Variants in LRRC49 observed in about 807,000 individuals in gnomAD.
LRRC49 encodes leucine rich repeat containing 49.
LRRC49 carries 50 observed loss-of-function variants against 83.3 expected under a neutral mutation model. That is an observed-to-expected ratio of 0.60 (90% CI 0.48 to 0.76). The LOEUF (loss-of-function observed/expected upper bound fraction) is 0.76, where lower values mean the gene tolerates loss of function less well. Among genes scored for constraint, LRRC49 ranks in the 30% least tolerant of loss-of-function variants. LRRC49 has a pLI of 0.00. For missense variants in LRRC49, 704 were observed against 809.1 expected (o/e 0.87, Z 1.58); for synonymous variants, 286 against 283.3 (o/e 1.01, Z -0.10).
At chr15:70,985,743 T>C (rs1230305535) in intron 11 of LRRC49, among the ~76,000 whole-genome samples, 1 of 150,794 alleles carries the variant, frequency 6.6e-6, no homozygotes, top group African/African-American at 2.5e-5. Context: ...GGTTTTCTTC[T>C]AGGGTTTTTA....
chr15:71,024,324 G>C (rs1370654018), intron 14 of LRRC49, among the ~76,000 whole-genome samples: 1 of 152,166 alleles, frequency 6.6e-6, no homozygotes, highest in Non-Finnish European at 1.5e-5. Flanking sequence ...CCTCAACAAG[G>C]GTTGCCAGAC....
At chr15:70,929,230 T>A (rs548207286) in intron 7 of LRRC49, among the ~76,000 whole-genome samples, 13 of 152,352 alleles carry the variant, frequency 8.5e-5, no homozygotes, top group African/African-American at 3.1e-4. Context: ...TTAGAGATAC[T>A]GTGGGTTCAG....
intron 11 of LRRC49, among the ~76,000 whole-genome samples, chr15:71,003,279 T>C (rs955749918): frequency 2.6e-5 from 4 of 152,188 alleles, no homozygotes; most frequent in African/African-American, 4.8e-5. Flanking sequence ...TTGATGAAAC[T>C]TTGGACTTAA....
At chr15:70,937,640 GTTTAA>G in intron 8 of LRRC49, among the ~76,000 whole-genome samples, 1 of 152,176 alleles carries the variant, frequency 6.6e-6, no homozygotes, top group African/African-American at 2.4e-5. Context: ...TTAAAAACTA[GTTTAA>G]TTTTTGTGTG....
At chr15:70,994,356 T>C (rs1393263401) in intron 11 of LRRC49, among the ~76,000 whole-genome samples, 2 of 152,170 alleles carry the variant, frequency 1.3e-5, no homozygotes, top group African/African-American at 4.8e-5. Flanking sequence ...ACCAGACTCT[T>C]TTGATTATAG....
chr15:70,970,863 A>C (rs900332829), intron 9 of LRRC49, among the ~76,000 whole-genome samples: 3 of 151,394 alleles, frequency 2.0e-5, no homozygotes, highest in African/African-American at 7.3e-5. Context: ...TGTATATTTG[A>C]TTCTTCTCTC....
intron 9 of LRRC49, among the ~76,000 whole-genome samples, chr15:70,968,905 G>A (rs1011535026): frequency 6.6e-6 from 1 of 152,094 alleles, no homozygotes; most frequent in African/African-American, 2.4e-5. Flanking sequence ...TGGATAGATT[G>A]CAAAAATTTT....
intron 8 of LRRC49, among the ~76,000 whole-genome samples, chr15:70,955,680 C>T (rs964068934): frequency 1.3e-5 from 2 of 152,148 alleles, no homozygotes; most frequent in Non-Finnish European, 2.9e-5. Context: ...ATTCTATTTA[C>T]CTCTCTTGGT....
At chr15:70,892,558 A>G, upstream of LRRC49, 7 of 1,499,494 alleles carry the variant, frequency 4.7e-6, no homozygotes, top group Non-Finnish European at 6.2e-6. Context: ...GGTGGGCCGT[A>G]AAGAGGAACG....
At chr15:71,015,853 C>T (rs116539941) in intron 14 of LRRC49, among the ~76,000 whole-genome samples, 4,019 of 152,130 alleles carry the variant, frequency 0.026, 186 homozygotes, top group African/African-American at 0.092. Context: ...AAGGATTTTC[C>T]TTGCAGCCAG....
At chr15:70,967,398 C>T (rs78526482) in intron 9 of LRRC49, among the ~76,000 whole-genome samples, 1,684 of 152,012 alleles carry the variant, frequency 0.011, 36 homozygotes, top group African/African-American at 0.037. Context: ...GGAGAGGATG[C>T]GATGGGTGAT....
At chr15:70,882,704 C>A in intron 2 of LRRC49, 1 of 1,610,382 alleles carries the variant, frequency 6.2e-7, no homozygotes. Context: ...TTTCATATAT[C>A]TTTAATATAC....
intron 1 of LRRC49, chr15:70,853,987 C>T: frequency 6.8e-7 from 1 of 1,464,956 alleles, no homozygotes; most frequent in South Asian, 1.3e-5. Flanking sequence ...CCCCCTCCTC[C>T]TCGTCCTCCA....
At chr15:70,936,407 A>G (rs1464128626) in intron 7 of LRRC49, 1 of 188,130 alleles carries the variant, frequency 5.3e-6, no homozygotes, top group Non-Finnish European at 1.1e-5. Context: ...TCTTTTTAAC[A>G]GTGATTTTTA....
At chr15:70,891,862 C>T, upstream of LRRC49, 1 of 1,600,516 alleles carries the variant, frequency 6.2e-7, no homozygotes, top group Non-Finnish European at 8.5e-7. Flanking sequence ...CTGCAGCCTG[C>T]TTCCCAGCTC....
chr15:71,011,836 T>C (rs1392019128), intron 13 of LRRC49, among the ~76,000 whole-genome samples: 1 of 152,150 alleles, frequency 6.6e-6, no homozygotes, highest in Admixed American at 6.5e-5. Flanking sequence ...TTGGTTTGTT[T>C]TAAAGAAAAT....
intron 9 of LRRC49, among the ~76,000 whole-genome samples, chr15:70,970,372 C>T (rs990497720): frequency 6.6e-6 from 1 of 152,120 alleles, no homozygotes; most frequent in Admixed American, 6.6e-5. Flanking sequence ...CTGCTGGATT[C>T]GGTTTGCCCC....
chr15:70,925,335 A>G (rs1461481380), intron 7 of LRRC49, among the ~76,000 whole-genome samples: 1 of 152,156 alleles, frequency 6.6e-6, no homozygotes, highest in Non-Finnish European at 1.5e-5. Flanking sequence ...ATTAAGTTTA[A>G]TATTAGTGAG....
chr15:70,857,941 T>C (rs1477363681), intron 1 of LRRC49, among the ~76,000 whole-genome samples: 3 of 152,228 alleles, frequency 2.0e-5, no homozygotes, highest in Admixed American at 1.3e-4. Context: ...CCTCACTTAA[T>C]TGAGTTGGGC....
Sources: allele counts gnomAD v4.1 joint callset (sites outside exome capture counted in the v4.1 genomes callset), GRCh38; gene constraint gnomAD v4.1.1; transcripts MANE v1.5; gene names NCBI Gene and HGNC (gene_info 2026-07-23, HGNC 2026-07-21).